The following SEPTIN14 variants were observed in gnomAD, a reference collection of about 807,000 sequenced individuals.
The protein encoded by SEPTIN14 is septin-14.
A neutral mutation model predicts 53.6 loss-of-function variants in SEPTIN14; 40 were observed. The ratio of observed to expected loss-of-function variants is 0.75; its 90% CI spans 0.58 to 0.97. The LOEUF (loss-of-function observed/expected upper bound fraction) is 0.97. Among genes scored for constraint, SEPTIN14 ranks in the 50% least tolerant of loss-of-function variants. SEPTIN14 has a pLI of 0.00. For missense variants in SEPTIN14, 471 were observed against 508.2 expected (o/e 0.93, Z 0.70); for synonymous variants, 138 against 166.8 (o/e 0.83, Z 1.33).
At chr7:55,809,424 CG>C (rs1788662205) in intron 7 of SEPTIN14, among the ~76,000 whole-genome samples, 1 of 147,242 alleles carries the variant, frequency 6.8e-6, no homozygotes, top group Non-Finnish European at 1.5e-5. Flanking sequence ...GGCACGATCT[CG>C]GCTCACTGCA....
intron 5 of SEPTIN14, among the ~76,000 whole-genome samples, chr7:55,842,245 A>T (rs373545908): frequency 6.6e-6 from 1 of 152,056 alleles, no homozygotes; most frequent in Non-Finnish European, 1.5e-5. Flanking sequence ...TCACCTAAAG[A>T]TATGTAACTA....
At chr7:55,807,809 G>A (rs1156695184) in intron 7 of SEPTIN14, among the ~76,000 whole-genome samples, 1 of 152,018 alleles carries the variant, frequency 6.6e-6, no homozygotes, top group African/African-American at 2.4e-5. Context: ...TGAAGACACG[G>A]AAAGATATTT....
chr7:55,817,339 C>T (rs1021623516), intron 7 of SEPTIN14, among the ~76,000 whole-genome samples: 3 of 151,610 alleles, frequency 2.0e-5, no homozygotes, highest in Admixed American at 6.6e-5. Flanking sequence ...ATGGTGGTTA[C>T]GTGAGTTAGG....
intron 7 of SEPTIN14, among the ~76,000 whole-genome samples, chr7:55,808,687 G>T (rs908201679): frequency 3.3e-5 from 5 of 152,078 alleles, no homozygotes; most frequent in African/African-American, 1.2e-4. Context: ...AAGTAGCTGG[G>T]ATTACAGAAG....
chr7:55,831,990 T>C (rs1789115306), intron 6 of SEPTIN14, among the ~76,000 whole-genome samples: 1 of 152,056 alleles, frequency 6.6e-6, no homozygotes, highest in Admixed American at 6.6e-5. Context: ...TCACCTGAGG[T>C]CAGGAGTTCA....
Position 55,845,974 on chromosome 7 carries a change from G to A in SEPTIN14, c.175+543C>T, listed in dbSNP as rs542394564. 2.7e-3 allele frequency among the ~76,000 whole-genome samples: 402 copies of A among 147,200 alleles called. 5 individuals carry two copies. Among genetic ancestry groups the A allele is most frequent in the Middle Eastern group, 0.011 (3 of 280 alleles). ...TGAGGCAGGAGAATGGCATGAACCT[G>A]GGAGGCGGAGCTTGCAGTGAACCGA... On this transcript the variant is annotated intron_variant, in intron 3 of 9. Transcript: ENST00000388975.
At chr7:55,852,580 A>G (rs1789538237) in intron 2 of SEPTIN14, among the ~76,000 whole-genome samples, 1 of 152,186 alleles carries the variant, frequency 6.6e-6, no homozygotes, top group Non-Finnish European at 1.5e-5. Flanking sequence ...GAAACTATGA[A>G]CCTACTAAAA....
intron 6 of SEPTIN14, among the ~76,000 whole-genome samples, chr7:55,829,820 C>CA (rs35998043): frequency 0.36 from 13,553 of 37,466 alleles, 4,396 homozygotes; most frequent in African/African-American, 0.48. Context: ...GACTCCATCT[C>CA]AAAAAAAAAA....
intron 2 of SEPTIN14, among the ~76,000 whole-genome samples, chr7:55,860,087 G>A (rs997122459): frequency 6.1e-5 from 9 of 148,308 alleles, no homozygotes; most frequent in African/African-American, 1.9e-4. Flanking sequence ...GCTGCGGCAG[G>A]AGAATCAATT....
intron 9 of SEPTIN14, among the ~76,000 whole-genome samples, chr7:55,803,836 T>C (rs1427050857): frequency 1.3e-5 from 2 of 151,860 alleles, no homozygotes; most frequent in Non-Finnish European, 2.9e-5. Flanking sequence ...GGTTTAAGTC[T>C]TCATGAGGCC....
chr7:55,834,649 G>A, intron 5 of SEPTIN14, 63 bp from the exon 6 acceptor site: 1 of 1,405,786 alleles, frequency 7.1e-7, no homozygotes, highest in Non-Finnish European at 9.7e-7. Context: ...TTTGTTTTTT[G>A]TTTTTTGTTT....
chr7:55,846,188 G>C (rs1789406077), intron 3 of SEPTIN14, among the ~76,000 whole-genome samples: 1 of 147,196 alleles, frequency 6.8e-6, no homozygotes. Flanking sequence ...ACAGGAATGT[G>C]TCAATTTTTA....
At chr7:55,830,518 T>C (rs1162875131) in intron 6 of SEPTIN14, among the ~76,000 whole-genome samples, 1 of 150,712 alleles carries the variant, frequency 6.6e-6, no homozygotes, top group Non-Finnish European at 1.5e-5. Flanking sequence ...TAATTTTTTG[T>C]ATTTTTAGTA....
chr7:55,855,007 CT>C (rs59769448), intron 2 of SEPTIN14, among the ~76,000 whole-genome samples: 26,163 of 136,814 alleles, frequency 0.19, 2,360 homozygotes, highest in East Asian at 0.39. Flanking sequence ...AAGATCACAA[CT>C]TTTTTTTTTT....
At chr7:55,808,089 G>A (rs1474930325) in intron 7 of SEPTIN14, among the ~76,000 whole-genome samples, 1 of 152,116 alleles carries the variant, frequency 6.6e-6, no homozygotes, top group East Asian at 1.9e-4. Flanking sequence ...TTCAGCAATG[G>A]ATAGATTATC....
chr7:55,809,263 G>A (rs1788657175), intron 7 of SEPTIN14, among the ~76,000 whole-genome samples: 1 of 151,822 alleles, frequency 6.6e-6, no homozygotes, highest in Admixed American at 6.6e-5. Context: ...CCTCCTTGAG[G>A]GTGGAGGGTG....
At position 55,795,822 on chromosome 7, in the gene SEPTIN14, A is replaced by G; in HGVS notation, c.*91T>C. ...TACAATAAGCAAGCCAATTTTTAAA[A>G]TGAGAACTTCAGAGTTAAATGCTAC... On this transcript the variant is annotated 3_prime_UTR_variant, in exon 10 of 10. Coordinates refer to ENST00000388975, the MANE Select transcript of SEPTIN14 (RefSeq NM_207366.3). The G allele has an allele frequency of 1.0e-6, 1 of 997,744 alleles. No homozygotes were observed. 61.8% of individuals were successfully genotyped at this position (997,744 alleles called of 1,614,324 possible). A position where few individuals can be genotyped will look rare whatever the true frequency, so the allele number is the denominator to read the frequency against.
chr7:55,813,275 A>C (rs1788736090), intron 7 of SEPTIN14, among the ~76,000 whole-genome samples: 1 of 152,158 alleles, frequency 6.6e-6, no homozygotes. Context: ...CCTAGCTCCC[A>C]CTAAAGAGGA....
intron 7 of SEPTIN14, among the ~76,000 whole-genome samples, chr7:55,817,696 T>G (rs927667233): frequency 1.3e-5 from 2 of 151,902 alleles, no homozygotes; most frequent in African/African-American, 4.8e-5. Context: ...GGTCTCAATC[T>G]CCTGACCTCA....
Sources: gnomAD v4.1 joint callset for allele counts (sites outside exome capture counted in the v4.1 genomes callset) on GRCh38, gnomAD v4.1.1 for gene constraint, MANE v1.5 for transcripts, NCBI Gene and HGNC (gene_info 2026-07-23, HGNC 2026-07-21) for gene names.